Variants in TSPAN9 observed in about 807,000 individuals in gnomAD.
TSPAN9 encodes the protein tetraspanin 9.
Under a neutral mutation model 31.0 loss-of-function variants are expected in TSPAN9, and 16 were observed. The observed-to-expected ratio is 0.52, with a 90% confidence interval of 0.35 to 0.78. The LOEUF (loss-of-function observed/expected upper bound fraction) is 0.78. Among genes scored for constraint, TSPAN9 ranks in the 30% least tolerant of loss-of-function variants. TSPAN9 has a pLI of 0.01. For missense variants in TSPAN9, 272 were observed against 312.5 expected (o/e 0.87, Z 0.98); for synonymous variants, 145 against 121.6 (o/e 1.19, Z -1.27).
At chr12:3,270,112 C>G (rs979041599) in intron 3 of TSPAN9, among the ~76,000 whole-genome samples, 6 of 152,244 alleles carry the variant, frequency 3.9e-5, no homozygotes, top group Admixed American at 3.9e-4. Context: ...GGCCCTACAC[C>G]GGGCCCCCTA....
intron 3 of TSPAN9, among the ~76,000 whole-genome samples, chr12:3,244,780 G>T (rs1438149340): frequency 1.3e-5 from 2 of 152,190 alleles, no homozygotes; most frequent in Non-Finnish European, 2.9e-5. Flanking sequence ...AAGGGAGGGT[G>T]TGTGGTTCAC....
chr12:3,195,167 G>A (rs1249948504), intron 2 of TSPAN9, among the ~76,000 whole-genome samples: 2 of 152,204 alleles, frequency 1.3e-5, no homozygotes, highest in Non-Finnish European at 2.9e-5. Context: ...TCAAATGTGG[G>A]AATATTCAGC....
At chr12:3,207,224 T>C (rs972308050) in intron 3 of TSPAN9, among the ~76,000 whole-genome samples, 1 of 151,972 alleles carries the variant, frequency 6.6e-6, no homozygotes, top group Non-Finnish European at 1.5e-5. Context: ...GGTCTTGCTG[T>C]GTCACTCGGG....
At chr12:3,150,243 C>T (rs2098339140) in intron 2 of TSPAN9, among the ~76,000 whole-genome samples, 1 of 152,162 alleles carries the variant, frequency 6.6e-6, no homozygotes, top group South Asian at 2.1e-4. Context: ...GCTTAATACC[C>T]TTTTTATGTG....
chr12:3,098,431 G>C (rs1404506371), intron 2 of TSPAN9, among the ~76,000 whole-genome samples: 1 of 152,160 alleles, frequency 6.6e-6, no homozygotes, highest in Non-Finnish European at 1.5e-5. Flanking sequence ...GGACCCTCCT[G>C]TTAGGAAAAC....
chr12:3,278,017 C>T (rs1862821323), intron 3 of TSPAN9, among the ~76,000 whole-genome samples: 2 of 152,210 alleles, frequency 1.3e-5, no homozygotes, highest in Admixed American at 1.3e-4. Flanking sequence ...TTCCTGACCC[C>T]AGTTCTCCCC....
intron 2 of TSPAN9, among the ~76,000 whole-genome samples, chr12:3,197,427 C>T (rs868009036): frequency 2.0e-5 from 3 of 152,220 alleles, no homozygotes; most frequent in Admixed American, 6.5e-5. Flanking sequence ...GGTGGGACTG[C>T]TATGCCGAAC....
In TSPAN9 at chr12:3,283,404, C is replaced by T. The variant is rs71577856; in HGVS notation, c.*288C>T. ...CTGGGGTGCGCTCCGGAGGAACCCC[C>T]GGCACTGATGGGCTTCTGCCCCTGC... On this transcript the variant is annotated 3_prime_UTR_variant, in exon 9 of 9. Coordinates refer to ENST00000011898, the MANE Select transcript of TSPAN9 (RefSeq NM_006675.5). The T allele has an allele frequency of 5.9e-3, 1,983 of 338,564 alleles. 19 individuals carry two copies. Among genetic ancestry groups the T allele is most frequent in the Middle Eastern group, 0.011 (14 of 1,256 alleles). The allele number at this position is 338,564 out of a possible 1,614,324, so 21.0% of individuals were successfully genotyped here.
At chr12:3,173,568 TC>T (rs2098353328) in intron 2 of TSPAN9, 1 of 152,256 alleles carries the variant, frequency 6.6e-6, no homozygotes, top group South Asian at 2.1e-4. Context: ...TGATCATGGC[TC>T]ACTGTAGCCT....
chr12:3,165,466 C>G (rs553631806), intron 2 of TSPAN9, among the ~76,000 whole-genome samples: 13 of 152,298 alleles, frequency 8.5e-5, no homozygotes, highest in African/African-American at 2.9e-4. Context: ...AAATCACTTC[C>G]TTTGAGACAT....
chr12:3,257,569 C>T (rs1356268315), intron 3 of TSPAN9, among the ~76,000 whole-genome samples: 1 of 151,956 alleles, frequency 6.6e-6, no homozygotes, highest in African/African-American at 2.4e-5. Flanking sequence ...CCTGCTGAGA[C>T]ACTGTGGGAA....
At chr12:3,169,404 C>G (rs988532312) in intron 2 of TSPAN9, among the ~76,000 whole-genome samples, 3 of 152,168 alleles carry the variant, frequency 2.0e-5, no homozygotes, top group Admixed American at 2.0e-4. Context: ...ATTTCTAATT[C>G]TGGTTTGGAT....
Position 3,283,216 on chromosome 12 carries a change from C to A in TSPAN9, c.*100C>A. 7.9e-7 allele frequency: 1 copy of A among 1,270,592 alleles called. No individual in the cohort carries two copies. The highest frequency in any genetic ancestry group is 1.1e-6 in the Non-Finnish European group (1 of 907,982). 78.7% of individuals were successfully genotyped at this position (1,270,592 alleles called of 1,614,324 possible). A position where few individuals can be genotyped will look rare whatever the true frequency, so the allele number is the denominator to read the frequency against. On this transcript the variant is annotated 3_prime_UTR_variant, in exon 9 of 9. Transcript: ENST00000011898. ...CTGCGCTCTCCAGATATGACCCCTGCACCCACCCCCCACAGCCTGCCCTAC... is the reference window on the plus strand; with the variant it reads ...CTGCGCTCTCCAGATATGACCCCTGAACCCACCCCCCACAGCCTGCCCTAC...
chr12:3,112,000 C>T (rs1046364264), intron 2 of TSPAN9, among the ~76,000 whole-genome samples: 1 of 152,008 alleles, frequency 6.6e-6, no homozygotes, highest in African/African-American at 2.4e-5. Flanking sequence ...GGTTACAAAT[C>T]GAGGACAGGT....
intron 2 of TSPAN9, among the ~76,000 whole-genome samples, chr12:3,132,306 T>C (rs2153967063): frequency 6.6e-6 from 1 of 152,298 alleles, no homozygotes; most frequent in Middle Eastern, 3.4e-3. Flanking sequence ...TGCTGGATCA[T>C]ATGGTAATTC....
intron 3 of TSPAN9, among the ~76,000 whole-genome samples, chr12:3,246,079 G>A (rs1277627047): frequency 1.3e-5 from 2 of 151,650 alleles, no homozygotes; most frequent in Non-Finnish European, 2.9e-5. Flanking sequence ...GCATGGTGCC[G>A]GCATCTGCTT....
intron 2 of TSPAN9, among the ~76,000 whole-genome samples, chr12:3,157,964 G>T (rs1274524846): frequency 2.6e-5 from 4 of 152,162 alleles, no homozygotes; most frequent in African/African-American, 9.7e-5. Context: ...CAACTCCATT[G>T]TGTCTTTCTC....
intron 3 of TSPAN9, among the ~76,000 whole-genome samples, chr12:3,268,662 G>C (rs1310164853): frequency 9.3e-6 from 1 of 107,592 alleles, no homozygotes; most frequent in Non-Finnish European, 1.9e-5. Context: ...CCCTCCGTGC[G>C]TTCCTGCAGC....
At chr12:3,150,425 A>G (rs927926985) in intron 2 of TSPAN9, among the ~76,000 whole-genome samples, 12 of 152,086 alleles carry the variant, frequency 7.9e-5, no homozygotes, top group African/African-American at 2.7e-4. Context: ...TGTAGTATAT[A>G]TGGGCTCTGC....
Sources: allele counts gnomAD v4.1 joint callset (sites outside exome capture counted in the v4.1 genomes callset), GRCh38; gene constraint gnomAD v4.1.1; transcripts MANE v1.5; gene names NCBI Gene and HGNC (gene_info 2026-07-23, HGNC 2026-07-21).